Variants in PARD3B observed in about 807,000 individuals in gnomAD.
PARD3B encodes par-3 family cell polarity regulator beta.
Under a neutral mutation model 130.2 loss-of-function variants are expected in PARD3B, and 103 were observed. That is an observed-to-expected ratio of 0.79 (90% CI 0.67 to 0.93). The LOEUF (loss-of-function observed/expected upper bound fraction) is 0.93. PARD3B is among the 40% of genes least tolerant of loss of function. The probability of loss-of-function intolerance (pLI) is 0.00; values close to 1 mark genes in which losing one functional copy is unlikely to be tolerated. For missense variants in PARD3B, 1,609 were observed against 1,499.2 expected, an observed-to-expected ratio of 1.07 and a Z score of -1.21; for synonymous variants, 583 against 553.2, an observed-to-expected ratio of 1.05 and a Z score of -0.76.
At chr2:204,651,491 G>A (rs1358094388) in intron 1 of PARD3B, among the ~76,000 whole-genome samples, 4 of 152,216 alleles carry the variant, frequency 2.6e-5, no homozygotes, top group Non-Finnish European at 5.9e-5. Context: ...CATGGCCTTG[G>A]GCAGCTCTGC....
At chr2:205,064,575 A>G (rs1700247921) in intron 4 of PARD3B, among the ~76,000 whole-genome samples, 1 of 152,194 alleles carries the variant, frequency 6.6e-6, no homozygotes, top group South Asian at 2.1e-4. Flanking sequence ...CATTTGATGT[A>G]TGATGCCAGT....
At chr2:205,020,559 C>G (rs1307133181) in intron 3 of PARD3B, among the ~76,000 whole-genome samples, 2 of 152,046 alleles carry the variant, frequency 1.3e-5, no homozygotes, top group East Asian at 3.9e-4. Context: ...CTTATAAATT[C>G]ATTAATACAA....
Position 205,300,736 on chromosome 2 carries a change from G to A in PARD3B, c.2392G>A (p.Asp798Asn), listed in dbSNP as rs979515446. 6.2e-6 allele frequency: 10 copies of A among 1,607,198 alleles called. No individual in the cohort carries two copies. Among genetic ancestry groups the A allele is most frequent in the Non-Finnish European group, 8.5e-6 (10 of 1,174,358 alleles). The change falls in exon 17 of 23, where the codon GAC becomes AAC. Residue 798 changes from aspartate (D) to asparagine (N), a missense_variant and splice_region_variant. Physicochemically the swap from Asp to Asn is conservative, Grantham distance 23 (BLOSUM62 1). Coordinates refer to ENST00000406610, the MANE Select transcript of PARD3B (RefSeq NM_001302769.2). The surrounding 1 kb of genome is among the most constrained non-coding windows in gnomAD (Gnocchi z 4.1). ...SYDGPEEIEADGLSDKSSHSG... is the reference protein window; with the variant it reads ...SYDGPEEIEANGLSDKSSHSG... ...CGATGGACCTGAAGAAATAGAAGCT[G>A]GTAGGATGATATGCTTCCTTAAATG...
intron 2 of PARD3B, among the ~76,000 whole-genome samples, chr2:204,729,984 TACACACACACACAAAC>T (rs1304405545): frequency 1.1e-4 from 9 of 81,728 alleles, no homozygotes; most frequent in African/African-American, 3.4e-4. Context: ...TAGTTACAGA[TACACACACACACAAAC>T]ACACACACAC....
chr2:204,913,082 T>C (rs1014671600), intron 2 of PARD3B, among the ~76,000 whole-genome samples: 1 of 152,258 alleles, frequency 6.6e-6, no homozygotes, highest in Non-Finnish European at 1.5e-5. Flanking sequence ...TTCCTAAAGA[T>C]GCGATATTGC....
At chr2:204,782,637 C>T (rs1328122224) in intron 2 of PARD3B, among the ~76,000 whole-genome samples, 3 of 151,400 alleles carry the variant, frequency 2.0e-5, no homozygotes, top group Non-Finnish European at 4.4e-5. Context: ...GTAGAGTATG[C>T]CATCCATCCA....
intron 2 of PARD3B, among the ~76,000 whole-genome samples, chr2:204,953,024 A>G (rs1417001512): frequency 5.4e-5 from 8 of 149,530 alleles, no homozygotes; most frequent in African/African-American, 7.4e-5. Context: ...ATATATATAT[A>G]TGTGTGTATA....
intron 19 of PARD3B, among the ~76,000 whole-genome samples, chr2:205,426,334 C>T (rs548313655): frequency 7.9e-5 from 12 of 152,208 alleles, no homozygotes; most frequent in Non-Finnish European, 1.6e-4. Context: ...TTTAAAACTG[C>T]ATTGATAGGG....
chr2:205,273,136 C>T (rs1458480162), intron 16 of PARD3B, among the ~76,000 whole-genome samples: 1 of 152,184 alleles, frequency 6.6e-6, no homozygotes, highest in Non-Finnish European at 1.5e-5. Context: ...CAGCAACTAA[C>T]ACATACATTG....
intron 18 of PARD3B, among the ~76,000 whole-genome samples, chr2:205,387,227 A>AG (rs1475619334): frequency 1.3e-5 from 2 of 152,194 alleles, no homozygotes; most frequent in Admixed American, 6.5e-5. Flanking sequence ...TTTAGATGCA[A>AG]GACATTAATG....
At chr2:205,225,783 A>G (rs2038512027) in intron 15 of PARD3B, among the ~76,000 whole-genome samples, 1 of 152,206 alleles carries the variant, frequency 6.6e-6, no homozygotes, top group Non-Finnish European at 1.5e-5. Context: ...ACTAACTATC[A>G]TGAGAACAAA....
At chr2:205,189,819 A>G (rs2036295607) in intron 14 of PARD3B, among the ~76,000 whole-genome samples, 1 of 152,164 alleles carries the variant, frequency 6.6e-6, no homozygotes, top group African/African-American at 2.4e-5. Context: ...ATATCCATCA[A>G]TCTGATATCA....
chr2:204,989,451 TTG>T (rs1470934124), intron 3 of PARD3B, among the ~76,000 whole-genome samples: 3 of 152,090 alleles, frequency 2.0e-5, no homozygotes, highest in Non-Finnish European at 2.9e-5. Context: ...AATATTGAAT[TTG>T]AGAGTTTTCT....
At chr2:205,383,142 C>A (rs28475656) in intron 18 of PARD3B, among the ~76,000 whole-genome samples, 82,706 of 139,164 alleles carry the variant, frequency 0.59, 26,733 homozygotes, top group South Asian at 0.77. Context: ...ATAGATAGAT[C>A]GATCTAAACT....
At chr2:205,123,656 CAAA>C (rs34397237) in intron 8 of PARD3B, among the ~76,000 whole-genome samples, 1 of 11,812 alleles carries the variant, frequency 8.5e-5, no homozygotes, top group African/African-American at 2.8e-4. Flanking sequence ...GAGTCAATTT[CAAA>C]AAAAAAAAAA....
At chr2:204,978,300 A>G (rs1692363966) in intron 3 of PARD3B, among the ~76,000 whole-genome samples, 1 of 152,244 alleles carries the variant, frequency 6.6e-6, no homozygotes, top group South Asian at 2.1e-4. Flanking sequence ...TGCTTTTAAA[A>G]TTAGCCAACA....
intron 2 of PARD3B, among the ~76,000 whole-genome samples, chr2:204,863,024 T>C (rs901050907): frequency 1.3e-5 from 2 of 152,152 alleles, no homozygotes; most frequent in African/African-American, 2.4e-5. Context: ...AGGTGGGCAT[T>C]GTTCAGAGAA....
intron 2 of PARD3B, among the ~76,000 whole-genome samples, chr2:204,886,715 G>C (rs540129096): frequency 6.6e-6 from 1 of 152,168 alleles, no homozygotes; most frequent in Non-Finnish European, 1.5e-5. Context: ...TTTCTCTTCA[G>C]TTCTAACAGA....
intron 2 of PARD3B, among the ~76,000 whole-genome samples, chr2:204,838,496 T>C (rs74346219): frequency 0.044 from 6,759 of 152,046 alleles, 214 homozygotes; most frequent in Middle Eastern, 0.099. Flanking sequence ...ATTACAGACA[T>C]GAACCACCAT....
Sources: gnomAD v4.1 joint callset for allele counts (sites outside exome capture counted in the v4.1 genomes callset) on GRCh38, gnomAD v4.1.1 for gene constraint, Gnocchi (gnomAD v3.1) non-coding constraint, MANE v1.5 for transcripts, NCBI Gene and HGNC (gene_info 2026-07-23, HGNC 2026-07-21) for gene names.